The following SIK2 variants were observed in gnomAD, a reference collection of about 807,000 sequenced individuals.
The protein encoded by SIK2 is salt inducible kinase 2.
A neutral mutation model predicts 103.2 loss-of-function variants in SIK2; 29 were observed. The observed-to-expected ratio is 0.28, with a 90% CI of 0.21 to 0.38. SIK2 has a LOEUF of 0.38. Ranked by LOEUF, SIK2 falls within the 10% of genes least tolerant of loss-of-function variation. SIK2 has a pLI of 1.00. For missense variants in SIK2, 879 were observed against 1,171.0 expected (o/e 0.75, Z 3.64); for synonymous variants, 412 against 446.1 (o/e 0.92, Z 0.96).
At chr11:111,696,126 CT>C (rs1421076562) in intron 4 of SIK2, among the ~76,000 whole-genome samples, 1 of 152,166 alleles carries the variant, frequency 6.6e-6, no homozygotes, top group African/African-American at 2.4e-5. Flanking sequence ...GACTCTACCC[CT>C]AATCCTCTTC....
intron 3 of SIK2, among the ~76,000 whole-genome samples, chr11:111,637,927 G>T (rs187633476): frequency 3.3e-4 from 50 of 152,010 alleles, no homozygotes; most frequent in South Asian, 1.2e-3. Flanking sequence ...TATATATTAC[G>T]TGTTAGAGTT....
Position 111,727,493 on chromosome 11 carries a change from G to T in SIK2, c.*3364G>T. Reference sequence around the variant, plus strand: ...TTCCCAACTCTGGTGCTGGAGTAATGGGGTGCTCTGCATTTTGATGGGGAG... The same window carrying T: ...TTCCCAACTCTGGTGCTGGAGTAATTGGGTGCTCTGCATTTTGATGGGGAG... On this transcript the variant is annotated 3_prime_UTR_variant, in exon 15 of 15. Coordinates refer to ENST00000304987, the MANE Select transcript of SIK2 (RefSeq NM_015191.3). The T allele has an allele frequency of 5.6e-6, 1 of 178,942 alleles. No homozygotes were observed. The highest frequency in any genetic ancestry group is 2.3e-5 in the African/African-American group (1 of 42,832). 11.1% of individuals were successfully genotyped at this position (178,942 alleles called of 1,614,324 possible). A position where few individuals can be genotyped will look rare whatever the true frequency, so the allele number is the denominator to read the frequency against.
At position 111,730,291 on chromosome 11, in the gene SIK2, C is replaced by G. The variant is rs1428079289; in HGVS notation, c.*6162C>G. The G allele has an allele frequency of 6.6e-6, 1 of 152,190 alleles. No homozygotes were observed. Among genetic ancestry groups the G allele is most frequent in the African/African-American group, 2.4e-5 (1 of 41,428 alleles). The allele number at this position is 152,190 out of a possible 1,614,324, so 9.4% of individuals were successfully genotyped here. A position where few individuals can be genotyped will look rare whatever the true frequency, so the allele number is the denominator to read the frequency against. On this transcript the variant is annotated 3_prime_UTR_variant, in exon 15 of 15. Coordinates refer to ENST00000304987, the MANE Select transcript of SIK2 (RefSeq NM_015191.3). ...TGGGCTGCTGCTGGCTCTGTGGTGT[C>G]TGTCTGCAGAAGATTTGCTCAGTCA...
intron 3 of SIK2, among the ~76,000 whole-genome samples, chr11:111,651,943 T>C (rs1942332473): frequency 6.6e-6 from 1 of 152,212 alleles, no homozygotes; most frequent in South Asian, 2.1e-4. Flanking sequence ...AAGCTTTGCA[T>C]GAATGCTGCA....
In SIK2 at chr11:111,727,155, T is replaced by C; in HGVS notation, c.*3026T>C. 1 of 918,918 alleles carries C rather than the reference T, an allele frequency of 1.1e-6. No homozygotes were observed. Among genetic ancestry groups the C allele is most frequent in the South Asian group, 1.4e-5 (1 of 71,356 alleles). 56.9% of individuals were successfully genotyped at this position (918,918 alleles called of 1,614,324 possible). A position where few individuals can be genotyped will look rare whatever the true frequency, so the allele number is the denominator to read the frequency against. On this transcript the variant is annotated 3_prime_UTR_variant, in exon 15 of 15. Transcript: ENST00000304987. ...TCCCCAGCTGCCCCCTCGCCACCTC[T>C]GCCTGCACTGCCTTCTGTCACCGTG...
chr11:111,603,814 C>G (rs1485871629), intron 1 of SIK2, among the ~76,000 whole-genome samples: 1 of 152,180 alleles, frequency 6.6e-6, no homozygotes, highest in East Asian at 1.9e-4. Flanking sequence ...TCCTATTCTG[C>G]TTTTTCCCTT....
In SIK2 at chr11:111,645,382, G is replaced by T. The variant is rs1429054664; in HGVS notation, c.316+24980G>T. 5.3e-5 allele frequency among the ~76,000 whole-genome samples: 8 copies of T among 152,204 alleles called. No homozygotes were observed. The East Asian group carries it at 1.5e-3, about 29-fold the overall frequency. Reference sequence around the variant, plus strand: ...TCATACAATACAGCAACAAAAGCCAGTGTACTACACTCAATGTGAATGACT... The same window carrying T: ...TCATACAATACAGCAACAAAAGCCATTGTACTACACTCAATGTGAATGACT... On this transcript the variant is annotated intron_variant, in intron 3 of 14. Transcript: ENST00000304987.
At chr11:111,628,450 CTTTTT>C in intron 3 of SIK2, among the ~76,000 whole-genome samples, 1 of 140,040 alleles carries the variant, frequency 7.1e-6, no homozygotes, top group African/African-American at 2.8e-5. Context: ...TTCTTTCTTT[CTTTTT>C]TGAGACAGGA....
In SIK2 at chr11:111,728,629, A is replaced by C. The variant is rs1944058641; in HGVS notation, c.*4500A>C. On this transcript the variant is annotated 3_prime_UTR_variant, in exon 15 of 15. Transcript: ENST00000304987. ...GAACTTATCTTCAGAGCAATGTATGAAAGACAAGAGCAGTATCAGCCGGGC... is the reference window on the plus strand; with the variant it reads ...GAACTTATCTTCAGAGCAATGTATGCAAGACAAGAGCAGTATCAGCCGGGC... 1 of 152,060 alleles carries C rather than the reference A, an allele frequency of 6.6e-6. No individual in the cohort carries two copies. Among genetic ancestry groups the C allele is most frequent in the South Asian group, 2.1e-4 (1 of 4,802 alleles). 9.4% of individuals were successfully genotyped at this position (152,060 alleles called of 1,614,324 possible).
intron 8 of SIK2, among the ~76,000 whole-genome samples, 176 bp from the exon 9 acceptor site, chr11:111,712,035 G>A (rs943820939): frequency 1.3e-5 from 2 of 152,226 alleles, no homozygotes; most frequent in Non-Finnish European, 2.9e-5. Context: ...TGCTGAGTCT[G>A]CTTCAGATCA....
intron 3 of SIK2, among the ~76,000 whole-genome samples, chr11:111,644,733 A>G (rs890355055): frequency 1.3e-5 from 2 of 152,340 alleles, no homozygotes; most frequent in East Asian, 1.9e-4. Context: ...AAACTAACAC[A>G]CTTAAAAGCT....
At chr11:111,717,615 T>G (rs1943683822) in intron 9 of SIK2, among the ~76,000 whole-genome samples, 1 of 152,118 alleles carries the variant, frequency 6.6e-6, no homozygotes, top group Non-Finnish European at 1.5e-5. Flanking sequence ...GGAATGTAAA[T>G]CATTCTATTA....
At chr11:111,680,266 T>C (rs913060985) in intron 3 of SIK2, among the ~76,000 whole-genome samples, 1 of 152,152 alleles carries the variant, frequency 6.6e-6, no homozygotes, top group Non-Finnish European at 1.5e-5. Context: ...GAGAGCAAAT[T>C]AGCCAGTTTT....
At chr11:111,603,567 A>T (rs1941611970) in intron 1 of SIK2, among the ~76,000 whole-genome samples, 1 of 152,054 alleles carries the variant, frequency 6.6e-6, no homozygotes, top group Non-Finnish European at 1.5e-5. Flanking sequence ...TGCACCGCAC[A>T]TACTCTCTCA....
chr11:111,721,141 T>TA, intron 12 of SIK2, 79 bp downstream of exon 12: 1 of 1,485,448 alleles, frequency 6.7e-7, no homozygotes, highest in Non-Finnish European at 9.0e-7. Context: ...CATTTTCACT[T>TA]AGAGGATTTC....
intron 3 of SIK2, among the ~76,000 whole-genome samples, chr11:111,668,569 A>G (rs1336514194): frequency 6.6e-6 from 1 of 152,144 alleles, no homozygotes; most frequent in South Asian, 2.1e-4. Context: ...GTCCTCATCT[A>G]TTTTGATCAA....
rs181630528 is a variant in SIK2, at chr11:111,727,349, C to A, written c.*3220C>A. On this transcript the variant is annotated 3_prime_UTR_variant, in exon 15 of 15. Coordinates refer to ENST00000304987, the MANE Select transcript of SIK2 (RefSeq NM_015191.3). ...TTTTGCCTCCTAGGAAAGAAAAAGT[C>A]AGTGGCCCTTTCTTCCTCAGATATC... is the stretch of plus-strand genomic sequence containing the variant. 314 of 458,688 alleles carry A rather than the reference C, an allele frequency of 6.8e-4. 3 individuals are homozygous for A. The highest frequency in any genetic ancestry group is 5.6e-3 in the African/African-American group (293 of 52,062). The allele number at this position is 458,688 out of a possible 1,614,324, so 28.4% of individuals were successfully genotyped here.
At position 111,701,518 on chromosome 11, in the gene SIK2, A is replaced by G. The variant is rs1354176686; in HGVS notation, c.670A>G (p.Ile224Val). The G allele has an allele frequency of 6.8e-6, 11 of 1,613,920 alleles. No individual in the cohort carries two copies. The Admixed American group carries it at 1.8e-4, about 27-fold the overall frequency. ...GCCCTTTGATGGACCGACTCTTCCA[A>G]TTTTGAGGCAGAGGGTTCTGGAAGG... ...ALPFDGPTLP[I>V]LRQRVLEGRF... The change falls in exon 6 of 15, where the codon ATT (isoleucine) becomes GTT (valine). Residue 224 changes from isoleucine (I) to valine (V), a missense_variant. Around this residue, in one of 7 missense-constraint regions of SIK2, gnomAD observed 126 missense variants for 245.5 expected, o/e 0.51. Coordinates refer to ENST00000304987, the MANE Select transcript of SIK2 (RefSeq NM_015191.3). This position sits in a 1 kb window ranked among gnomAD's most constrained non-coding sequence, Gnocchi z 4.2.
chr11:111,658,292 T>G (rs907612750), intron 3 of SIK2, among the ~76,000 whole-genome samples: 17 of 151,934 alleles, frequency 1.1e-4, no homozygotes, highest in Non-Finnish European at 1.9e-4. Flanking sequence ...GCCCGGTTAA[T>G]TTTTGTATTT....
Sources: allele counts gnomAD v4.1 joint callset (sites outside exome capture counted in the v4.1 genomes callset), GRCh38; gene constraint gnomAD v4.1.1; regional missense constraint gnomAD v4.1.1; non-coding constraint Gnocchi (gnomAD v3.1); transcripts MANE v1.5; gene names NCBI Gene and HGNC (gene_info 2026-07-23, HGNC 2026-07-21).